The following FRMD5 variants were observed in gnomAD, a reference collection of about 807,000 sequenced individuals.
The protein encoded by FRMD5 is FERM domain containing 5, also known as FERM domain-containing protein 5.
In FRMD5, 20 loss-of-function variants were observed where a neutral mutation model predicts 69.0. The ratio of observed to expected loss-of-function variants is 0.29; its 90% CI spans 0.20 to 0.42. FRMD5 has a LOEUF of 0.42. Among genes scored for constraint, FRMD5 ranks in the 10% least tolerant of loss-of-function variants. FRMD5 has a pLI of 1.00. For synonymous variants in FRMD5, 271 were observed against 260.1 expected (o/e 1.04, Z -0.40); for missense variants, 595 against 708.6 (o/e 0.84, Z 1.82).
chr15:44,186,233 G>T (rs2706461), intron 1 of FRMD5, among the ~76,000 whole-genome samples: 5 of 151,990 alleles, frequency 3.3e-5, no homozygotes, highest in Non-Finnish European at 7.4e-5. Context: ...GGCCTTTCTT[G>T]TGTTATGATC....
intron 7 of FRMD5, among the ~76,000 whole-genome samples, chr15:43,896,952 T>TG (rs1296057115): frequency 6.6e-6 from 1 of 152,114 alleles, no homozygotes; most frequent in Non-Finnish European, 1.5e-5. Flanking sequence ...CACTTAAACT[T>TG]GGCCACAATA....
At chr15:44,012,211 C>T (rs1890750170) in intron 1 of FRMD5, among the ~76,000 whole-genome samples, 1 of 152,184 alleles carries the variant, frequency 6.6e-6, no homozygotes, top group South Asian at 2.1e-4. Context: ...GCAAAGATAT[C>T]CCAAAGACAA....
rs188768361 is a variant in FRMD5, at chr15:44,027,353, T to C, written c.103-103044A>G. The stretch of plus-strand genomic sequence containing the variant: ...AAAAAAAACCCAAAAAAACTAGAGG[T>C]TAGAATATTTTCCATATTTAGTTCC... On this transcript the variant is annotated intron_variant, in intron 1 of 13. Transcript: ENST00000417257. Among the ~76,000 whole-genome samples, 26 of 152,176 alleles carry C rather than the reference T, an allele frequency of 1.7e-4. No individual in the cohort carries two copies. In the East Asian group the frequency reaches 4.6e-3, roughly 27 times the overall value.
chr15:44,027,943 C>T (rs1891510926), intron 1 of FRMD5, among the ~76,000 whole-genome samples: 1 of 152,150 alleles, frequency 6.6e-6, no homozygotes, highest in Non-Finnish European at 1.5e-5. Flanking sequence ...CGCGCCCGGC[C>T]CTGTGCTGAC....
At chr15:43,955,120 T>C (rs968366136) in intron 1 of FRMD5, among the ~76,000 whole-genome samples, 1 of 152,214 alleles carries the variant, frequency 6.6e-6, no homozygotes, top group African/African-American at 2.4e-5. Flanking sequence ...TTAGGTACAC[T>C]GTAAATGCAT....
intron 1 of FRMD5, among the ~76,000 whole-genome samples, chr15:43,995,131 A>G (rs1315818989): frequency 1.3e-5 from 2 of 152,238 alleles, no homozygotes; most frequent in Admixed American, 6.5e-5. Flanking sequence ...TATATAAAAC[A>G]ATATAGTATT....
At chr15:44,165,400 C>T (rs547067592) in intron 1 of FRMD5, among the ~76,000 whole-genome samples, 5 of 152,078 alleles carry the variant, frequency 3.3e-5, no homozygotes, top group South Asian at 2.1e-4. Context: ...CCAGCCTAGG[C>T]GACCGAGTGA....
At chr15:44,129,529 T>TA (rs753649541) in intron 1 of FRMD5, among the ~76,000 whole-genome samples, 2 of 152,158 alleles carry the variant, frequency 1.3e-5, no homozygotes, top group Non-Finnish European at 2.9e-5. Flanking sequence ...ACTTTTTTTT[T>TA]AATTTAAAAT....
rs1291464597 is a variant in FRMD5, at chr15:43,875,761, T to G, written c.1136-1299A>C. 3 of 574,436 alleles carry G rather than the reference T, an allele frequency of 5.2e-6. No individual in the cohort carries two copies. In the African/African-American group the frequency reaches 5.8e-5, roughly 11 times the overall value. The allele number at this position is 574,436 out of a possible 1,614,324, so 35.6% of individuals were successfully genotyped here. On this transcript the variant is annotated intron_variant, in intron 13 of 13. Transcript: ENST00000417257. ...GAGCCACCGCACCCAGCCCCTAATT[T>G]GTTAAAGATTCTGCCTTTCTTGCCT...
At chr15:44,187,567 A>ATT (rs34597404) in intron 1 of FRMD5, among the ~76,000 whole-genome samples, 2 of 145,418 alleles carry the variant, frequency 1.4e-5, no homozygotes, top group Non-Finnish European at 1.5e-5. Context: ...GCTTTTGGCA[A>ATT]TTTTTTTTTT....
chr15:43,952,257 T>C (rs2090047802), intron 1 of FRMD5, among the ~76,000 whole-genome samples: 1 of 152,128 alleles, frequency 6.6e-6, no homozygotes, highest in Non-Finnish European at 1.5e-5. Flanking sequence ...ATACATTCTA[T>C]CAGGGAGCTG....
intron 1 of FRMD5, among the ~76,000 whole-genome samples, chr15:44,051,382 T>C (rs944159662): frequency 6.8e-6 from 1 of 148,116 alleles, no homozygotes; most frequent in Non-Finnish European, 1.5e-5. Flanking sequence ...GCCAACATGG[T>C]AAAACCCCGT....
At chr15:43,994,776 A>G (rs1477958273) in intron 1 of FRMD5, among the ~76,000 whole-genome samples, 1 of 152,250 alleles carries the variant, frequency 6.6e-6, no homozygotes, top group Non-Finnish European at 1.5e-5. Flanking sequence ...TGCTAAAGAT[A>G]TAAGTAACTT....
At chr15:43,875,119 C>T (rs1318993083) in intron 13 of FRMD5, among the ~76,000 whole-genome samples, 1 of 151,984 alleles carries the variant, frequency 6.6e-6, no homozygotes, top group Admixed American at 6.6e-5. Context: ...ACTGCTTGAA[C>T]TTGGGAGGCA....
At position 43,872,104 on chromosome 15, in the gene FRMD5, G is replaced by C. The variant is rs1219266633; in HGVS notation, c.*1781C>G. The C allele has an allele frequency of 6.6e-6, 1 of 152,182 alleles. No homozygotes were observed. Among genetic ancestry groups the C allele is most frequent in the Non-Finnish European group, 1.5e-5 (1 of 68,038 alleles). The allele number at this position is 152,182 out of a possible 1,614,324, so 9.4% of individuals were successfully genotyped here. A position where few individuals can be genotyped will look rare whatever the true frequency, so the allele number is the denominator to read the frequency against. On this transcript the variant is annotated 3_prime_UTR_variant, in exon 14 of 14. Transcript: ENST00000417257. ...GTTTTTGTGCTGTGATGGCAGAATT[G>C]AGCAGTTGTGACACAGTATGGCGTG...
intron 1 of FRMD5, among the ~76,000 whole-genome samples, chr15:43,927,523 G>T (rs1348482570): frequency 6.6e-6 from 1 of 152,198 alleles, no homozygotes; most frequent in Admixed American, 6.5e-5. Flanking sequence ...CTGATGCCAA[G>T]AGAGTGAGAA....
intron 1 of FRMD5, among the ~76,000 whole-genome samples, chr15:44,045,702 A>C (rs1892397190): frequency 6.6e-6 from 1 of 152,192 alleles, no homozygotes. Context: ...TAGAAAGGGC[A>C]TTCAGAGTGT....
At chr15:44,007,499 C>T (rs1490347645) in intron 1 of FRMD5, among the ~76,000 whole-genome samples, 3 of 152,076 alleles carry the variant, frequency 2.0e-5, no homozygotes, top group African/African-American at 7.2e-5. Flanking sequence ...TTTAATCCCT[C>T]AAGTTCTCTG....
chr15:44,124,994 T>G (rs2077006584), intron 1 of FRMD5, among the ~76,000 whole-genome samples: 1 of 152,080 alleles, frequency 6.6e-6, no homozygotes, highest in Non-Finnish European at 1.5e-5. Flanking sequence ...ATAAGAACAA[T>G]TAATTTGGAA....
Sources: allele counts gnomAD v4.1 joint callset (sites outside exome capture counted in the v4.1 genomes callset), GRCh38; gene constraint gnomAD v4.1.1; transcripts MANE v1.5; gene names NCBI Gene and HGNC (gene_info 2026-07-23, HGNC 2026-07-21).